Variants in MYLK4 observed in about 807,000 individuals in gnomAD.
MYLK4 encodes myosin light chain kinase family member 4, also known as caMLCK like.
Under a neutral mutation model 48.1 loss-of-function variants are expected in MYLK4, and 46 were observed. The ratio of observed to expected loss-of-function variants is 0.96; its 90% CI spans 0.75 to 1.22. The LOEUF is 1.22. Ranked by LOEUF, MYLK4 falls within the 50% of genes most tolerant of loss-of-function variation. MYLK4 has a pLI of 0.00. For missense variants in MYLK4, 451 were observed against 486.1 expected (o/e 0.93, Z 0.68); for synonymous variants, 170 against 180.8 (o/e 0.94, Z 0.48).
At chr6:2,679,548 A>G (rs1761216428) in intron 8 of MYLK4, 140 bp from the exon 9 acceptor site, 2 of 1,117,182 alleles carry the variant, frequency 1.8e-6, no homozygotes, top group South Asian at 1.3e-5. Flanking sequence ...AAATCAAACA[A>G]TCAAGCAAGA....
chr6:2,731,835 A>G (rs1287591866), intron 2 of MYLK4, among the ~76,000 whole-genome samples: 1 of 152,218 alleles, frequency 6.6e-6, no homozygotes. Context: ...AAGGACCTGG[A>G]GATTTGGCTC....
rs1472491642 is a variant in MYLK4, at chr6:2,692,868, G to A, written c.160-9C>T. 1 of 1,610,550 alleles carries A rather than the reference G, an allele frequency of 6.2e-7. No homozygotes were observed. The highest frequency in any genetic ancestry group is 1.7e-5 in the Admixed American group (1 of 59,742). ...GACCACACCTCCTTCGCCTGTGGAG[G>A]CACAATTGAGTAATTGAAGTTACAT... On this transcript the variant is annotated splice_polypyrimidine_tract_variant and intron_variant, in intron 2 of 12. Coordinates refer to ENST00000274643, the MANE Select transcript of MYLK4 (RefSeq NM_001012418.5).
chr6:2,745,065 G>A (rs1430741507), intron 2 of MYLK4, among the ~76,000 whole-genome samples: 2 of 152,172 alleles, frequency 1.3e-5, no homozygotes, highest in African/African-American at 2.4e-5. Flanking sequence ...AACGGAGGAG[G>A]AGGAGAGCAC....
chr6:2,699,385 G>A (rs938831567), intron 2 of MYLK4, among the ~76,000 whole-genome samples: 40 of 133,440 alleles, frequency 3.0e-4, no homozygotes, highest in African/African-American at 1.1e-3. Context: ...TCCATCTCCC[G>A]AGTTCAAGCA....
rs746425107 is a variant in MYLK4 at position 2,685,358 on chromosome 6, C to T, written c.483G>A (p.Ala161=). 47 of 1,609,134 alleles carry T rather than the reference C, an allele frequency of 2.9e-5. No homozygotes were observed. In the East Asian group the frequency reaches 3.8e-4, roughly 13 times the overall value. The change falls in exon 6 of 13, where the codon GCG becomes GCA. Residue 161 remains alanine, a synonymous_variant. Coordinates refer to ENST00000274643, the MANE Select transcript of MYLK4 (RefSeq NM_001012418.5). This position sits in a 1 kb window ranked among gnomAD's most constrained non-coding sequence, Gnocchi z 4.5. ...AGGCATCGTACAGCTGGATGAGGTT[C>T]GCGTGGTCCAGCTGGTTCATGACGC... ...EISVMNQLDH[A]NLIQLYDAFE...
At chr6:2,766,301 C>G in the MYLK4 span, 2 of 1,608,308 alleles carry the variant, frequency 1.2e-6, no homozygotes, top group Non-Finnish European at 1.7e-6. Flanking sequence ...GGGCAAGCCG[C>G]TGGCCGACAC....
the MYLK4 span, chr6:2,766,177 C>T: frequency 1.6e-5 from 22 of 1,370,648 alleles, 1 homozygote; most frequent in South Asian, 2.7e-4. Context: ...GCGAGGACGA[C>T]CCGGGGCACT....
intron 2 of MYLK4, among the ~76,000 whole-genome samples, chr6:2,703,129 A>G (rs1463354831): frequency 1.3e-5 from 2 of 152,062 alleles, no homozygotes; most frequent in East Asian, 3.9e-4. Flanking sequence ...ACCAGTAACT[A>G]TAGGGTCAAT....
chr6:2,744,249 C>T (rs1763995432), intron 2 of MYLK4: 2 of 370,200 alleles, frequency 5.4e-6, no homozygotes, highest in Non-Finnish European at 9.6e-6. Context: ...AATACGATGG[C>T]CTTGTGTGAC....
intron 6 of MYLK4, among the ~76,000 whole-genome samples, chr6:2,684,899 A>C (rs1056912516): frequency 3.3e-5 from 5 of 152,060 alleles, no homozygotes; most frequent in Admixed American, 6.5e-5. Flanking sequence ...GTTTTTATAA[A>C]GGTGAGTTTA....
chr6:2,688,363 A>G (rs1410138330), intron 4 of MYLK4, among the ~76,000 whole-genome samples: 2 of 152,204 alleles, frequency 1.3e-5, no homozygotes, highest in African/African-American at 4.8e-5. Flanking sequence ...AAGGCCTTTA[A>G]TCTTCCTTCT....
intron 2 of MYLK4, among the ~76,000 whole-genome samples, chr6:2,699,293 T>TTTTTC (rs1762194309): frequency 1.1e-5 from 1 of 90,328 alleles, no homozygotes; most frequent in Non-Finnish European, 2.3e-5. Context: ...TTTTCTTTTT[T>TTTTTC]TTTTTTTTTT....
At chr6:2,742,758 A>T (rs1582125040) in intron 2 of MYLK4, among the ~76,000 whole-genome samples, 1 of 147,522 alleles carries the variant, frequency 6.8e-6, no homozygotes, top group African/African-American at 2.5e-5. Flanking sequence ...TAGGAGATAT[A>T]CCTAATGCTA....
chr6:2,671,383 G>C (rs1329515290), intron 11 of MYLK4, 35 bp from the exon 12 acceptor site: 1 of 1,601,752 alleles, frequency 6.2e-7, no homozygotes, highest in African/African-American at 1.3e-5. Flanking sequence ...GAAGGATTAG[G>C]ACTGTTTCCT....
At chr6:2,754,541 T>C (rs1764377193), upstream of MYLK4, among the ~76,000 whole-genome samples, 1 of 152,178 alleles carries the variant, frequency 6.6e-6, no homozygotes, top group Non-Finnish European at 1.5e-5. Context: ...TGGGGGTTAA[T>C]TGTAAACAGA....
chr6:2,751,995 A>G (rs1248200628), upstream of MYLK4, among the ~76,000 whole-genome samples: 1 of 152,224 alleles, frequency 6.6e-6, no homozygotes, highest in Non-Finnish European at 1.5e-5. Flanking sequence ...TTTTGTTAGT[A>G]TAATTAAATT....
At position 2,672,534 on chromosome 6, in the gene MYLK4, C is replaced by T. The variant is rs1009789217; in HGVS notation, c.1120-1186G>A. Among the ~76,000 whole-genome samples the T allele has an allele frequency of 6.6e-6, 1 of 152,086 alleles. No homozygotes were observed. The highest frequency in any genetic ancestry group is 1.5e-5 in the Non-Finnish European group (1 of 68,022). On this transcript the variant is annotated intron_variant, in intron 11 of 12. Coordinates refer to ENST00000274643, the MANE Select transcript of MYLK4 (RefSeq NM_001012418.5). The surrounding 1 kb of genome is among the most constrained non-coding windows in gnomAD (Gnocchi z 4.3). ...GAGACAAATAAAAATATACGAAAGA[C>T]TCAAAAATAGAATTTAGATTGAAAT...
intron 2 of MYLK4, among the ~76,000 whole-genome samples, chr6:2,746,674 G>C (rs1209707580): frequency 6.6e-6 from 1 of 152,158 alleles, no homozygotes; most frequent in African/African-American, 2.4e-5. Flanking sequence ...ACTATGATTA[G>C]CCGTGCTAAT....
rs559462040 is a variant in MYLK4 at position 2,698,063 on chromosome 6, C to T, written c.160-5204G>A. Among the ~76,000 whole-genome samples, 70 of 152,350 alleles carry T rather than the reference C, an allele frequency of 4.6e-4. 1 individual carries two copies. Among genetic ancestry groups the T allele is most frequent in the African/African-American group, 1.5e-3 (63 of 41,582 alleles). On this transcript the variant is annotated intron_variant, in intron 2 of 12. Transcript: ENST00000274643. ...CATAGCCGATGGCCAGCAATATCAA[C>T]GGCCATGCATTTTGGGATTACAGTT...
Sources: gnomAD v4.1 joint callset for allele counts (sites outside exome capture counted in the v4.1 genomes callset) on GRCh38, gnomAD v4.1.1 for gene constraint, Gnocchi (gnomAD v3.1) non-coding constraint, MANE v1.5 for transcripts, NCBI Gene and HGNC (gene_info 2026-07-23, HGNC 2026-07-21) for gene names.